Variants in FGF12 observed in about 807,000 individuals in gnomAD.
FGF12 encodes the protein fibroblast growth factor 12B.
In FGF12, 14 loss-of-function variants were observed where a neutral mutation model predicts 23.6. The ratio of observed to expected loss-of-function variants is 0.59; its 90% CI spans 0.39 to 0.93. The LOEUF (loss-of-function observed/expected upper bound fraction) is 0.93, where lower values mean the gene tolerates loss of function less well. FGF12 is among the 40% of genes least tolerant of loss of function. The pLI is 0.00. For synonymous variants in FGF12, 62 were observed against 77.3 expected (o/e 0.80, Z 1.04); for missense variants, 175 against 217.8 (o/e 0.80, Z 1.24).
At chr3:192,717,079 C>T (rs1718888565) in intron 2 of FGF12, among the ~76,000 whole-genome samples, 1 of 152,150 alleles carries the variant, frequency 6.6e-6, no homozygotes, top group Non-Finnish European at 1.5e-5. Flanking sequence ...CTTATTGGCC[C>T]AGGGCTTGAG....
intron 4 of FGF12, among the ~76,000 whole-genome samples, chr3:192,327,408 T>C (rs1163867522): frequency 7.2e-6 from 1 of 138,492 alleles, no homozygotes; most frequent in Non-Finnish European, 1.5e-5. Context: ...GTTAAGGCCC[T>C]GTTTAAACAA....
At chr3:192,675,444 G>A (rs1160960783) in intron 2 of FGF12, among the ~76,000 whole-genome samples, 1 of 151,886 alleles carries the variant, frequency 6.6e-6, no homozygotes, top group Non-Finnish European at 1.5e-5. Context: ...AATTTATTAT[G>A]CACACTCAGA....
chr3:192,366,949 A>G (rs1409502058), intron 2 of FGF12, among the ~76,000 whole-genome samples: 2 of 152,288 alleles, frequency 1.3e-5, no homozygotes, highest in Middle Eastern at 3.4e-3. Flanking sequence ...CTTTCTGTTT[A>G]TTGTATTCAA....
intron 2 of FGF12, among the ~76,000 whole-genome samples, chr3:192,464,725 G>A (rs1382286892): frequency 6.6e-6 from 1 of 152,164 alleles, no homozygotes; most frequent in Non-Finnish European, 1.5e-5. Flanking sequence ...TTTCCTTTGG[G>A]AGAAGGGGCT....
intron 2 of FGF12, chr3:192,673,417 T>C (rs1325884590): frequency 6.6e-6 from 1 of 151,250 alleles, no homozygotes; most frequent in Non-Finnish European, 1.5e-5. Context: ...GGGATACATG[T>C]GTAGAACGTG....
chr3:192,311,398 A>G (rs575910263), intron 4 of FGF12, among the ~76,000 whole-genome samples: 2 of 152,304 alleles, frequency 1.3e-5, no homozygotes, highest in Non-Finnish European at 2.9e-5. Flanking sequence ...ATGATAAAGT[A>G]TATCTTTTGT....
intron 4 of FGF12, among the ~76,000 whole-genome samples, chr3:192,296,314 C>T (rs908932637): frequency 1.3e-5 from 2 of 150,648 alleles, no homozygotes; most frequent in African/African-American, 2.4e-5. Context: ...GCCTTGACCT[C>T]CCAGGCTCAA....
chr3:192,399,091 A>G (rs532998656), intron 2 of FGF12, among the ~76,000 whole-genome samples: 5 of 152,204 alleles, frequency 3.3e-5, no homozygotes, highest in African/African-American at 1.2e-4. Flanking sequence ...GTTTTGGGAT[A>G]TCATTAAACA....
chr3:192,199,757 CCCT>C (rs1717263783), intron 4 of FGF12, among the ~76,000 whole-genome samples: 1 of 152,156 alleles, frequency 6.6e-6, no homozygotes, highest in Non-Finnish European at 1.5e-5. Flanking sequence ...TCTAACTCCT[CCCT>C]CCTCCTCCCA....
chr3:192,568,526 G>T (rs757978753), intron 2 of FGF12, among the ~76,000 whole-genome samples: 2 of 152,160 alleles, frequency 1.3e-5, no homozygotes, highest in Non-Finnish European at 2.9e-5. Context: ...ACAGTCAAAA[G>T]CGTTCTTGGT....
chr3:192,333,669 C>G (rs76647368), intron 4 of FGF12, among the ~76,000 whole-genome samples: 5,698 of 152,026 alleles, frequency 0.037, 210 homozygotes, highest in South Asian at 0.17. Context: ...ATACAAATGA[C>G]AGATGTATTA....
intron 4 of FGF12, among the ~76,000 whole-genome samples, chr3:192,266,480 G>A (rs1243179832): frequency 6.6e-6 from 1 of 150,604 alleles, no homozygotes; most frequent in Non-Finnish European, 1.5e-5. Flanking sequence ...GGAATGTCAG[G>A]GAAAGGCTTT....
intron 2 of FGF12, among the ~76,000 whole-genome samples, chr3:192,371,115 G>A (rs919149982): frequency 6.6e-6 from 1 of 152,154 alleles, no homozygotes; most frequent in Non-Finnish European, 1.5e-5. Flanking sequence ...TGGCTTTCCA[G>A]GCAGCTCAAA....
At chr3:192,184,234 A>G (rs879705974) in intron 4 of FGF12, among the ~76,000 whole-genome samples, 2 of 152,156 alleles carry the variant, frequency 1.3e-5, no homozygotes, top group Non-Finnish European at 2.9e-5. Context: ...AAATAAAATA[A>G]AATAGGCTTT....
intron 2 of FGF12, among the ~76,000 whole-genome samples, chr3:192,391,022 T>C (rs1720270949): frequency 6.6e-6 from 1 of 152,154 alleles, no homozygotes; most frequent in South Asian, 2.1e-4. Context: ...GCTCAGATGT[T>C]AATCTGTGGC....
At chr3:192,635,814 G>T (rs745906081) in intron 2 of FGF12, among the ~76,000 whole-genome samples, 1 of 152,146 alleles carries the variant, frequency 6.6e-6, no homozygotes, top group Non-Finnish European at 1.5e-5. Flanking sequence ...CTATGGAGAA[G>T]TCTGGATAAG....
intron 2 of FGF12, among the ~76,000 whole-genome samples, chr3:192,575,086 C>G (rs575553849): frequency 2.0e-5 from 3 of 152,268 alleles, no homozygotes; most frequent in Admixed American, 6.5e-5. Flanking sequence ...TTATATATAA[C>G]ATGCTTTAAA....
chr3:192,389,468 G>A (rs1180362798), intron 2 of FGF12, among the ~76,000 whole-genome samples: 7 of 152,152 alleles, frequency 4.6e-5, no homozygotes, highest in South Asian at 2.1e-4. Context: ...GCATTTTAAC[G>A]CTATCCTTTC....
chr3:192,532,996 G>A (rs1167387258), intron 2 of FGF12, among the ~76,000 whole-genome samples: 1 of 152,128 alleles, frequency 6.6e-6, no homozygotes. Flanking sequence ...AATGATGGAT[G>A]TAAATATCTA....
Sources: gnomAD v4.1 joint callset for allele counts (sites outside exome capture counted in the v4.1 genomes callset) on GRCh38, gnomAD v4.1.1 for gene constraint, MANE v1.5 for transcripts, NCBI Gene and HGNC (gene_info 2026-07-23, HGNC 2026-07-21) for gene names.